The following NBEA variants were observed in gnomAD, a reference collection of about 807,000 sequenced individuals.
NBEA encodes neurobeachin, also known as lysosomal-trafficking regulator 2.
In NBEA, 44 loss-of-function variants were observed where a neutral mutation model predicts 343.4. The ratio of observed to expected loss-of-function variants is 0.13; its 90% confidence interval spans 0.10 to 0.16. The LOEUF (loss-of-function observed/expected upper bound fraction) is 0.16, where lower values mean the gene tolerates loss of function less well. Ranked by LOEUF, NBEA falls within the 10% of genes least tolerant of loss-of-function variation. The pLI is 1.00. For missense variants in NBEA, 2,555 were observed against 3,631.3 expected, an observed-to-expected ratio of 0.70 and a Z score of 7.62; for synonymous variants, 1,175 against 1,238.7, an observed-to-expected ratio of 0.95 and a Z score of 1.08.
chr13:35,458,102 G>C (rs1191675460), intron 40 of NBEA, among the ~76,000 whole-genome samples: 2 of 152,168 alleles, frequency 1.3e-5, no homozygotes, highest in Non-Finnish European at 2.9e-5. Flanking sequence ...GAGGGGAATT[G>C]GTGGGTCAAA....
At chr13:35,624,818 G>A (rs1056743373) in intron 48 of NBEA, among the ~76,000 whole-genome samples, 7 of 151,988 alleles carry the variant, frequency 4.6e-5, no homozygotes, top group African/African-American at 1.4e-4. Flanking sequence ...CACATATCTA[G>A]ACATGATAAA....
intron 29 of NBEA, 36 bp from the exon 30 acceptor site, chr13:35,183,940 G>C (rs2071498719): frequency 6.6e-7 from 1 of 1,526,392 alleles, no homozygotes; most frequent in African/African-American, 1.4e-5. Context: ...GTTGTTACAT[G>C]CTGGCTCAAA....
intron 53 of NBEA, 71 bp downstream of exon 53, chr13:35,651,947 G>A (rs1016530426): frequency 3.4e-6 from 3 of 876,048 alleles, no homozygotes; most frequent in South Asian, 3.2e-5. Flanking sequence ...TTTTTCATAA[G>A]ATAGTTGAAC....
intron 56 of NBEA, among the ~76,000 whole-genome samples, chr13:35,665,570 G>A (rs754769062): frequency 2.0e-5 from 3 of 152,122 alleles, no homozygotes; most frequent in Non-Finnish European, 4.4e-5. Flanking sequence ...TCTTTATAAG[G>A]CCAGGGGCTG....
intron 1 of NBEA, among the ~76,000 whole-genome samples, chr13:34,968,211 C>G (rs1436958699): frequency 1.3e-5 from 2 of 152,120 alleles, no homozygotes; most frequent in Non-Finnish European, 2.9e-5. Context: ...ACCCTCCCAG[C>G]AGATTGATAT....
At chr13:35,113,726 T>C (rs543035269) in intron 13 of NBEA, among the ~76,000 whole-genome samples, 1 of 152,304 alleles carries the variant, frequency 6.6e-6, no homozygotes, top group African/African-American at 2.4e-5. Flanking sequence ...CAGATAGTGT[T>C]TTAGGCTTAC....
chr13:35,146,117 T>C (rs746013852), intron 18 of NBEA, among the ~76,000 whole-genome samples: 1 of 152,162 alleles, frequency 6.6e-6, no homozygotes, highest in Non-Finnish European at 1.5e-5. Context: ...CTTCTGTTTG[T>C]CTGATACTGG....
intron 6 of NBEA, among the ~76,000 whole-genome samples, chr13:35,052,152 G>C (rs1200668595): frequency 6.6e-6 from 1 of 151,894 alleles, no homozygotes; most frequent in Non-Finnish European, 1.5e-5. Flanking sequence ...ATAAATATTT[G>C]CTTTTACTGT....
chr13:35,066,315 G>A (rs932950585), intron 8 of NBEA, among the ~76,000 whole-genome samples: 1 of 152,048 alleles, frequency 6.6e-6, no homozygotes, highest in Non-Finnish European at 1.5e-5. Flanking sequence ...GTGTTCTAGA[G>A]ATGTCTGTTA....
intron 41 of NBEA, among the ~76,000 whole-genome samples, chr13:35,529,541 G>T (rs1191518614): frequency 6.6e-6 from 1 of 152,088 alleles, no homozygotes; most frequent in Non-Finnish European, 1.5e-5. Context: ...TTATATGTGG[G>T]CATATAGTAA....
chr13:35,130,405 A>C (rs1427737934), intron 17 of NBEA, among the ~76,000 whole-genome samples: 2 of 152,216 alleles, frequency 1.3e-5, no homozygotes, highest in East Asian at 3.9e-4. Flanking sequence ...TACTTATTCT[A>C]AAAATTAAAT....
chr13:35,413,366 A>T (rs1046323593), intron 38 of NBEA, among the ~76,000 whole-genome samples: 1 of 152,058 alleles, frequency 6.6e-6, no homozygotes, highest in African/African-American at 2.4e-5. Flanking sequence ...TTTTGTGTGT[A>T]TTTAGTAAAA....
intron 44 of NBEA, among the ~76,000 whole-genome samples, chr13:35,560,601 A>G (rs1202062742): frequency 6.6e-6 from 1 of 152,164 alleles, no homozygotes; most frequent in Non-Finnish European, 1.5e-5. Context: ...AACTGGGCAG[A>G]AGGAGGATTC....
intron 30 of NBEA, among the ~76,000 whole-genome samples, chr13:35,187,012 TTTAAC>T (rs1433356409): frequency 5.3e-5 from 8 of 151,988 alleles, no homozygotes; most frequent in African/African-American, 1.9e-4. Context: ...AAGTTTAAAC[TTTAAC>T]TTAAACTAAA....
intron 30 of NBEA, among the ~76,000 whole-genome samples, chr13:35,194,251 C>G (rs996324329): frequency 1.3e-5 from 2 of 151,958 alleles, no homozygotes; most frequent in African/African-American, 4.8e-5. Context: ...ACAAAACTTT[C>G]AGAAGCTGTG....
chr13:35,401,647 A>T (rs531613865), intron 38 of NBEA, among the ~76,000 whole-genome samples: 16 of 152,198 alleles, frequency 1.1e-4, no homozygotes, highest in African/African-American at 3.8e-4. Flanking sequence ...ACAAAGGGTC[A>T]TTGCCATCTT....
chr13:35,477,336 G>T (rs992074086), intron 41 of NBEA: 1 of 155,754 alleles, frequency 6.4e-6, no homozygotes, highest in Non-Finnish European at 1.5e-5. Flanking sequence ...TTATTGCTGA[G>T]TGTGTGAGAT....
intron 20 of NBEA, among the ~76,000 whole-genome samples, chr13:35,156,487 A>G (rs1431566414): frequency 1.3e-5 from 2 of 152,092 alleles, no homozygotes; most frequent in Non-Finnish European, 2.9e-5. Context: ...AGTGGTACCT[A>G]TCTATCACCA....
At chr13:35,043,457 C>G (rs1006157756) in intron 2 of NBEA, among the ~76,000 whole-genome samples, 3 of 151,650 alleles carry the variant, frequency 2.0e-5, no homozygotes, top group Admixed American at 1.3e-4. Context: ...CTTAAAAATA[C>G]TTCATATTAT....
Sources: gnomAD v4.1 joint callset for allele counts (sites outside exome capture counted in the v4.1 genomes callset) on GRCh38, gnomAD v4.1.1 for gene constraint, MANE v1.5 for transcripts, NCBI Gene and HGNC (gene_info 2026-07-23, HGNC 2026-07-21) for gene names.